Variants in EPGN observed in about 807,000 individuals in gnomAD.
EPGN encodes the protein epithelial mitogen.
Under a neutral mutation model 20.7 loss-of-function variants are expected in EPGN, and 21 were observed. That is an observed-to-expected ratio of 1.01 (90% CI 0.72 to 1.46). EPGN has a LOEUF of 1.46. Among genes scored for constraint, EPGN ranks in the 40% most tolerant of loss-of-function variants. EPGN has a pLI of 0.00. For missense variants in EPGN, 199 were observed against 180.7 expected (o/e 1.10, Z -0.58); for synonymous variants, 69 against 63.8 (o/e 1.08, Z -0.39).
chr4:74,313,173 A>G lies in EPGN; in HGVS notation c.407+3A>G. On this transcript the variant is annotated splice_donor_region_variant and intron_variant, in intron 4 of 4. Coordinates refer to ENST00000413830, the MANE Select transcript of EPGN (RefSeq NM_001270989.2). The stretch of plus-strand genomic sequence containing the variant: ...TTTTACTGCTATATAAGAAAGAGGT[A>G]TGAAAAAGACAAAATATGAAGTCAC... 1 of 1,608,078 alleles carries G rather than the reference A, an allele frequency of 6.2e-7. No homozygotes were observed. The highest frequency in any genetic ancestry group is 8.5e-7 in the Non-Finnish European group (1 of 1,178,678).
At position 74,309,091 on chromosome 4, in the gene EPGN, A is replaced by G; in HGVS notation, c.44-2A>G. 6.2e-7 allele frequency: 1 copy of G among 1,611,564 alleles called. No individual in the cohort carries two copies. The highest frequency in any genetic ancestry group is 2.2e-5 in the East Asian group (1 of 44,748). On this transcript the variant is annotated splice_acceptor_variant, in intron 1 of 4. Transcript: ENST00000413830. LOFTEE classifies it high-confidence loss of function. The stretch of plus-strand genomic sequence containing the variant: ...AAAGATGCTTTTGCCCCCTTAATAC[A>G]GCAATGACAGCACTGACCGAAGAGG...
intron 1 of EPGN, 45 bp downstream of exon 1, chr4:74,308,621 A>C: frequency 6.6e-7 from 1 of 1,512,726 alleles, no homozygotes; most frequent in Non-Finnish European, 9.1e-7. Flanking sequence ...TCAGTGTAAA[A>C]TGTGAATAGA....
rs924492548 is a variant in EPGN at position 74,315,842 on chromosome 4, C to G, written c.*1205C>G. 2.0e-5 allele frequency among the ~76,000 whole-genome samples: 3 copies of G among 151,792 alleles called. No individual in the cohort carries two copies. Among genetic ancestry groups the G allele is most frequent in the Admixed American group, 1.3e-4 (2 of 15,248 alleles). On this transcript the variant is annotated 3_prime_UTR_variant, in exon 5 of 5. Transcript: ENST00000413830. ...TGGTGCATGCCTGTAATCCCAGCTA[C>G]TCCAGAGGCTGACACAGGACAATCA...
At position 74,315,594 on chromosome 4, in the gene EPGN, A is replaced by G. The variant is rs1304229849; in HGVS notation, c.*957A>G. Among the ~76,000 whole-genome samples, 1 of 152,164 alleles carries G rather than the reference A, an allele frequency of 6.6e-6. No individual in the cohort carries two copies. The highest frequency in any genetic ancestry group is 2.4e-5 in the African/African-American group (1 of 41,446). Reference sequence around the variant, plus strand: ...GAAACTTTCTTTATCATTTTTGAACACTTGTTAACAGATTTGCACATAGAG... The same window carrying G: ...GAAACTTTCTTTATCATTTTTGAACGCTTGTTAACAGATTTGCACATAGAG... On this transcript the variant is annotated 3_prime_UTR_variant, in exon 5 of 5. Coordinates refer to ENST00000413830, the MANE Select transcript of EPGN (RefSeq NM_001270989.2).
At chr4:74,312,718 T>G (rs1295494075) in intron 3 of EPGN, among the ~76,000 whole-genome samples, 1 of 152,174 alleles carries the variant, frequency 6.6e-6, no homozygotes, top group Non-Finnish European at 1.5e-5. Context: ...GATACTATTT[T>G]TATGATCATG....
Position 74,314,625 on chromosome 4 carries a change from A to G in EPGN, c.453A>G (p.Arg151=). ...KSPYNVCSGE[R]RPL ...CTTACAATGTCTGTTCTGGAGAAAGACGACCACTGTGAGGCCTTTGTGAAG... is the reference window on the plus strand; with the variant it reads ...CTTACAATGTCTGTTCTGGAGAAAGGCGACCACTGTGAGGCCTTTGTGAAG... The change falls in exon 5 of 5, where the codon AGA becomes AGG. Residue 151 remains arginine (R), a synonymous_variant. Transcript: ENST00000413830. 1 of 1,536,052 alleles carries G rather than the reference A, an allele frequency of 6.5e-7. No individual in the cohort carries two copies.
chr4:74,310,864 T>G (rs1220477359), intron 2 of EPGN, among the ~76,000 whole-genome samples: 1 of 152,202 alleles, frequency 6.6e-6, no homozygotes. Context: ...TACTGCATTG[T>G]TTAGGGAATA....
chr4:74,313,277 A>T (rs1242694258), intron 4 of EPGN, 107 bp downstream of exon 4: 2 of 1,429,032 alleles, frequency 1.4e-6, no homozygotes, highest in East Asian at 5.2e-5. Flanking sequence ...TTTTTTAATT[A>T]AAAAAGAGCT....
In EPGN at chr4:74,316,730, A is replaced by C. The variant is rs763886785; in HGVS notation, c.*2093A>C. Among the ~76,000 whole-genome samples, 5 of 152,170 alleles carry C rather than the reference A, an allele frequency of 3.3e-5. No individual in the cohort carries two copies. The highest frequency in any genetic ancestry group is 7.4e-5 in the Non-Finnish European group (5 of 68,018). On this transcript the variant is annotated 3_prime_UTR_variant, in exon 5 of 5. Transcript: ENST00000413830. ...GTAAAAGAGCTGGGGAGAGTATGGG[A>C]AGAAACAATACAGGATTGCCTTTAA...
At chr4:74,313,202 A>G (rs1262781783) in intron 4 of EPGN, 32 bp downstream of exon 4, 10 of 1,594,478 alleles carry the variant, frequency 6.3e-6, no homozygotes, top group Non-Finnish European at 7.7e-6. Context: ...AAGTCACTTC[A>G]TATGCAATCG....
At chr4:74,314,002 G>A in intron 4 of EPGN, 1 of 389,438 alleles carries the variant, frequency 2.6e-6, no homozygotes, top group South Asian at 2.0e-5. Flanking sequence ...AGGGGGAGGA[G>A]GAGGAGGTAA....
chr4:74,311,763 G>A (rs1383047018), intron 2 of EPGN, among the ~76,000 whole-genome samples: 4 of 152,108 alleles, frequency 2.6e-5, no homozygotes, highest in South Asian at 2.1e-4. Flanking sequence ...TCAAATCTTC[G>A]CAAGTGCTGA....
chr4:74,309,275 A>T lies in EPGN; in HGVS notation c.133+93A>T, dbSNP rs979946441. On this transcript the variant is annotated intron_variant, in intron 2 of 4. Coordinates refer to ENST00000413830, the MANE Select transcript of EPGN (RefSeq NM_001270989.2). The stretch of plus-strand genomic sequence containing the variant: ...ATAAAAGCAATATTGGCCATTTTTA[A>T]TATATATTTTATTATTAGATAATCA... 4.6e-6 allele frequency: 4 copies of T among 876,298 alleles called. No homozygotes were observed. In the African/African-American group the frequency reaches 5.2e-5, roughly 11 times the overall value. 54.3% of individuals were successfully genotyped at this position (876,298 alleles called of 1,614,324 possible).
rs988284319 is a variant in EPGN at position 74,315,797 on chromosome 4, C to A, written c.*1160C>A. Among the ~76,000 whole-genome samples, 1 of 151,774 alleles carries A rather than the reference C, an allele frequency of 6.6e-6. No individual in the cohort carries two copies. Among genetic ancestry groups the A allele is most frequent in the South Asian group, 2.1e-4 (1 of 4,794 alleles). On this transcript the variant is annotated 3_prime_UTR_variant, in exon 5 of 5. Transcript: ENST00000413830. The stretch of plus-strand genomic sequence containing the variant: ...TGAAACCCTGTCTCTACTAAAAATA[C>A]AAAAATTAGCTGGGCGTGGTGGTGC...
intron 2 of EPGN, among the ~76,000 whole-genome samples, chr4:74,309,865 G>A (rs1049068434): frequency 6.6e-6 from 1 of 152,110 alleles, no homozygotes; most frequent in Non-Finnish European, 1.5e-5. Context: ...TGATTCTTCT[G>A]CAAATCGCAT....
chr4:74,309,917 A>G (rs960518827), intron 2 of EPGN, among the ~76,000 whole-genome samples: 2 of 152,176 alleles, frequency 1.3e-5, no homozygotes, highest in African/African-American at 4.8e-5. Context: ...TTTAGGACAG[A>G]GGAAACAATG....
rs1177726255 is a variant in EPGN, at chr4:74,315,755, C to T, written c.*1118C>T. Among the ~76,000 whole-genome samples the T allele has an allele frequency of 1.3e-5, 2 of 151,922 alleles. No individual in the cohort carries two copies. Among genetic ancestry groups the T allele is most frequent in the African/African-American group, 4.8e-5 (2 of 41,348 alleles). On this transcript the variant is annotated 3_prime_UTR_variant, in exon 5 of 5. Coordinates refer to ENST00000413830, the MANE Select transcript of EPGN (RefSeq NM_001270989.2). ...GCACCTGAGGTCAGGAGTTTGAGAC[C>T]AGCCTGGCCAACATGGTGAAACCCT...
intron 1 of EPGN, 58 bp downstream of exon 1, chr4:74,308,634 T>A (rs1750689329): frequency 1.4e-6 from 2 of 1,440,170 alleles, no homozygotes; most frequent in South Asian, 2.5e-5. Flanking sequence ...TGAATAGAAT[T>A]TATTTTCTCT....
At chr4:74,314,295 T>C in intron 4 of EPGN, 1 of 529,662 alleles carries the variant, frequency 1.9e-6, no homozygotes. Context: ...GATTTCAATA[T>C]CCCATATTAT....
Sources: allele counts gnomAD v4.1 joint callset (sites outside exome capture counted in the v4.1 genomes callset), GRCh38; gene constraint gnomAD v4.1.1; transcripts MANE v1.5; gene names NCBI Gene and HGNC (gene_info 2026-07-23, HGNC 2026-07-21).